The following EPHA5 variants were observed in gnomAD, a reference collection of about 807,000 sequenced individuals.
EPHA5 encodes the protein EPH receptor A5, also known as ephrin type-A receptor 5.
Under a neutral mutation model 105.0 loss-of-function variants are expected in EPHA5, and 60 were observed. The ratio of observed to expected loss-of-function variants is 0.57; its 90% CI spans 0.46 to 0.71. The LOEUF is 0.71. Ranked by LOEUF, EPHA5 falls within the 30% of genes least tolerant of loss-of-function variation. The pLI, the probability that EPHA5 is intolerant of heterozygous loss-of-function variation, is 0.00. For missense variants in EPHA5, 1,218 were observed against 1,274.7 expected (o/e 0.96, Z 0.68); for synonymous variants, 513 against 449.1 (o/e 1.14, Z -1.80).
intron 7 of EPHA5, among the ~76,000 whole-genome samples, chr4:65,406,614 C>A (rs1722382518): frequency 6.6e-6 from 1 of 152,098 alleles, no homozygotes; most frequent in African/African-American, 2.4e-5. Flanking sequence ...TCCTCCCCTT[C>A]TTTCTCCCTC....
intron 3 of EPHA5, among the ~76,000 whole-genome samples, chr4:65,585,340 A>T (rs1031181902): frequency 6.6e-6 from 1 of 152,066 alleles, no homozygotes; most frequent in Admixed American, 6.6e-5. Flanking sequence ...TTTAGAAAAA[A>T]GTAGTAAGAA....
chr4:65,414,946 G>A (rs28720921), intron 6 of EPHA5, among the ~76,000 whole-genome samples: 1,926 of 152,156 alleles, frequency 0.013, 37 homozygotes, highest in African/African-American at 0.043. Context: ...GTACTTCACT[G>A]GTGAAATTTA....
At chr4:65,628,179 T>A (rs1325130912) in intron 2 of EPHA5, among the ~76,000 whole-genome samples, 4 of 152,080 alleles carry the variant, frequency 2.6e-5, no homozygotes, top group Admixed American at 6.6e-5. Flanking sequence ...AACTATAAAA[T>A]CCTGTAGTTT....
rs570466876 is a variant in EPHA5, at chr4:65,374,364, T to C, written c.1794-6940A>G. Among the ~76,000 whole-genome samples, 342 of 152,060 alleles carry C rather than the reference T, an allele frequency of 2.2e-3. No homozygotes were observed. The Middle Eastern group carries it at 0.024, about 11-fold the overall frequency. ...TGTCACAACAAAGCAAGCAGGCAAC[T>C]ATACTGATGAAAATAATTTGAGATA... On this transcript the variant is annotated intron_variant, in intron 8 of 16. Coordinates refer to ENST00000613740, the MANE Select transcript of EPHA5 (RefSeq NM_001281766.3).
intron 3 of EPHA5, among the ~76,000 whole-genome samples, chr4:65,563,534 T>C (rs1410190407): frequency 6.6e-6 from 1 of 152,050 alleles, no homozygotes; most frequent in South Asian, 2.1e-4. Context: ...GAGTTAGAAC[T>C]TTAAAAATTA....
At chr4:65,329,287 T>G (rs1482236173) in intron 16 of EPHA5, among the ~76,000 whole-genome samples, 6 of 151,338 alleles carry the variant, frequency 4.0e-5, no homozygotes, top group Non-Finnish European at 8.9e-5. Flanking sequence ...CATCTAAGAT[T>G]GAAAGCCACT....
intron 2 of EPHA5, among the ~76,000 whole-genome samples, chr4:65,620,012 T>A (rs1745573194): frequency 6.7e-6 from 1 of 150,336 alleles, no homozygotes; most frequent in East Asian, 1.9e-4. Flanking sequence ...AGTTTAATCA[T>A]CAATAGTATC....
intron 3 of EPHA5, among the ~76,000 whole-genome samples, chr4:65,512,101 G>T (rs1030362318): frequency 6.6e-6 from 1 of 152,134 alleles, no homozygotes; most frequent in South Asian, 2.1e-4. Context: ...AATACCCAAT[G>T]GTGGGGAATG....
chr4:65,620,937 G>T (rs1236297261), intron 2 of EPHA5, among the ~76,000 whole-genome samples: 2 of 152,166 alleles, frequency 1.3e-5, no homozygotes, highest in South Asian at 4.1e-4. Flanking sequence ...AGGAGGAAAA[G>T]AAAGTGAGGA....
At chr4:65,522,304 G>GTA (rs1475946732) in intron 3 of EPHA5, among the ~76,000 whole-genome samples, 14 of 101,804 alleles carry the variant, frequency 1.4e-4, no homozygotes, top group African/African-American at 3.8e-4. Context: ...ATATGTGTGT[G>GTA]TATATATATA....
intron 3 of EPHA5, among the ~76,000 whole-genome samples, chr4:65,565,282 C>G (rs984791201): frequency 2.0e-5 from 3 of 151,624 alleles, no homozygotes; most frequent in African/African-American, 7.2e-5. Context: ...TATTATTATG[C>G]AATCTTTTCA....
chr4:65,356,562 GATTA>G (rs1444783668), intron 11 of EPHA5, among the ~76,000 whole-genome samples: 5 of 151,550 alleles, frequency 3.3e-5, no homozygotes, highest in Admixed American at 2.0e-4. Flanking sequence ...TTAAAAGCCA[GATTA>G]ATTATTTATG....
intron 14 of EPHA5, among the ~76,000 whole-genome samples, chr4:65,341,347 G>T (rs1721698826): frequency 6.6e-6 from 1 of 151,938 alleles, no homozygotes; most frequent in Non-Finnish European, 1.5e-5. Context: ...AAGTATTTTT[G>T]TCATGAAAAC....
intron 8 of EPHA5, among the ~76,000 whole-genome samples, chr4:65,390,174 T>A (rs951522963): frequency 6.6e-6 from 1 of 152,036 alleles, no homozygotes; most frequent in African/African-American, 2.4e-5. Flanking sequence ...AGTAGCAAAG[T>A]ACTTAGCCTA....
chr4:65,572,752 T>C (rs1267536014), intron 3 of EPHA5, among the ~76,000 whole-genome samples: 1 of 152,194 alleles, frequency 6.6e-6, no homozygotes, highest in East Asian at 1.9e-4. Context: ...TATCACAAGC[T>C]GGGCGTGGTG....
At chr4:65,470,605 T>A (rs545079657) in intron 5 of EPHA5, among the ~76,000 whole-genome samples, 1 of 152,176 alleles carries the variant, frequency 6.6e-6, no homozygotes, top group South Asian at 2.1e-4. Flanking sequence ...ACATATAGAG[T>A]TGGATATTTT....
In EPHA5 at chr4:65,351,370, G is replaced by T. The variant is rs747507614; in HGVS notation, c.2445+19C>A. The T allele has an allele frequency of 6.2e-7, 1 of 1,608,238 alleles. No individual in the cohort carries two copies. Among genetic ancestry groups the T allele is most frequent in the East Asian group, 2.2e-5 (1 of 44,758 alleles). On this transcript the variant is annotated intron_variant, in intron 13 of 16. Coordinates refer to ENST00000613740, the MANE Select transcript of EPHA5 (RefSeq NM_001281766.3). ...TGGCTCTGGTCTAGTGTTTAGAAAT[G>T]CACTCTGTTAGATCTTACCCTTGTG...
At chr4:65,608,573 T>C (rs1045012140) in intron 2 of EPHA5, among the ~76,000 whole-genome samples, 1 of 151,802 alleles carries the variant, frequency 6.6e-6, no homozygotes, top group African/African-American at 2.4e-5. Context: ...AAATTTGAAA[T>C]TCAGACACTG....
chr4:65,526,243 A>G (rs1208105615), intron 3 of EPHA5, among the ~76,000 whole-genome samples: 2 of 151,896 alleles, frequency 1.3e-5, no homozygotes. Flanking sequence ...ACTTTTCAGT[A>G]CATATGATTG....
Sources: allele counts gnomAD v4.1 joint callset (sites outside exome capture counted in the v4.1 genomes callset), GRCh38; gene constraint gnomAD v4.1.1; transcripts MANE v1.5; gene names NCBI Gene and HGNC (gene_info 2026-07-23, HGNC 2026-07-21).